The following TBC1D9 variants were observed in gnomAD, a reference collection of about 807,000 sequenced individuals.
TBC1D9 encodes TBC1 domain family member 9, also known as TBC1 domain family member 9A.
A neutral mutation model predicts 132.0 loss-of-function variants in TBC1D9; 63 were observed. The observed-to-expected ratio is 0.48, with a 90% CI of 0.39 to 0.59. TBC1D9 has a LOEUF of 0.59. TBC1D9 is among the 20% of genes least tolerant of loss of function. The pLI is 0.00. For synonymous variants in TBC1D9, 610 were observed against 609.9 expected (o/e 1.00, Z 0.00); for missense variants, 1,261 against 1,592.7 (o/e 0.79, Z 3.54).
At chr4:140,753,461 A>G (rs1738956608) in intron 1 of TBC1D9, among the ~76,000 whole-genome samples, 1 of 152,132 alleles carries the variant, frequency 6.6e-6, no homozygotes, top group Non-Finnish European at 1.5e-5. Flanking sequence ...GTGGGAGAAG[A>G]GAGAAGTCAG....
At chr4:140,731,470 C>T (rs924700889) in intron 1 of TBC1D9, among the ~76,000 whole-genome samples, 2 of 152,024 alleles carry the variant, frequency 1.3e-5, no homozygotes, top group African/African-American at 4.8e-5. Flanking sequence ...AGTGGTAGGA[C>T]TACTTGAGGC....
chr4:140,672,453 T>C (rs1008440303), intron 6 of TBC1D9, among the ~76,000 whole-genome samples: 1 of 152,156 alleles, frequency 6.6e-6, no homozygotes, highest in Admixed American at 6.5e-5. Flanking sequence ...AAGCCCCTTT[T>C]CTCACATAAA....
intron 1 of TBC1D9, among the ~76,000 whole-genome samples, chr4:140,711,950 G>A (rs1012351550): frequency 6.6e-6 from 1 of 152,098 alleles, no homozygotes; most frequent in African/African-American, 2.4e-5. Context: ...TATCTCAAAT[G>A]TACATTCAAT....
At position 140,755,803 on chromosome 4, in the gene TBC1D9, G is replaced by A; in HGVS notation, c.130+113C>T. On this transcript the variant is annotated intron_variant, in intron 1 of 20. Transcript: ENST00000442267. ...GCCTCGCATACAACGAGGCAGGGCG[G>A]GTCGCCCAGCCCCAGGGGACCGGGC... 8 of 1,364,334 alleles carry A rather than the reference G, an allele frequency of 5.9e-6. No homozygotes were observed. The South Asian group carries it at 1.2e-4, about 20-fold the overall frequency. 84.5% of individuals were successfully genotyped at this position (1,364,334 alleles called of 1,614,324 possible).
At chr4:140,668,790 T>C (rs1737487514) in intron 9 of TBC1D9, 127 bp downstream of exon 9, 9 of 960,268 alleles carry the variant, frequency 9.4e-6, no homozygotes, top group Admixed American at 2.8e-5. Flanking sequence ...TGAGGAAACA[T>C]GATGTAGCTT....
intron 13 of TBC1D9, among the ~76,000 whole-genome samples, chr4:140,654,838 CTT>C (rs2110994138): frequency 6.6e-6 from 1 of 151,760 alleles, no homozygotes; most frequent in Non-Finnish European, 1.5e-5. Flanking sequence ...TTAATCCAAA[CTT>C]TTAATGTAAA....
At chr4:140,623,241 G>A (rs1736649347) in intron 20 of TBC1D9, among the ~76,000 whole-genome samples, 1 of 151,990 alleles carries the variant, frequency 6.6e-6, no homozygotes, top group Non-Finnish European at 1.5e-5. Context: ...GCTAATCTTT[G>A]CGTTTTTTGT....
intron 1 of TBC1D9, among the ~76,000 whole-genome samples, chr4:140,722,919 C>T (rs1420036451): frequency 6.6e-6 from 1 of 152,116 alleles, no homozygotes; most frequent in Non-Finnish European, 1.5e-5. Context: ...GGTTCTCTCT[C>T]ACCTCTCAAT....
intron 13 of TBC1D9, among the ~76,000 whole-genome samples, chr4:140,656,189 A>T (rs1737269890): frequency 6.6e-6 from 1 of 152,152 alleles, no homozygotes; most frequent in Non-Finnish European, 1.5e-5. Context: ...TGTAGAAGGA[A>T]GCAGGTAAGC....
At chr4:140,744,029 C>T (rs933540883) in intron 1 of TBC1D9, among the ~76,000 whole-genome samples, 7 of 152,168 alleles carry the variant, frequency 4.6e-5, no homozygotes, top group African/African-American at 1.4e-4. Context: ...CCCACGGTTT[C>T]TTTGTAGAAT....
chr4:140,722,579 G>A (rs1738440753), intron 1 of TBC1D9, among the ~76,000 whole-genome samples: 1 of 152,190 alleles, frequency 6.6e-6, no homozygotes, highest in African/African-American at 2.4e-5. Context: ...CTTGGGATGA[G>A]TGGGGAGAAG....
intron 6 of TBC1D9, among the ~76,000 whole-genome samples, chr4:140,673,577 TA>T (rs888660685): frequency 2.6e-5 from 4 of 152,146 alleles, no homozygotes; most frequent in Non-Finnish European, 1.5e-5. Context: ...CTTCTTCCAT[TA>T]GTTGGGGTGG....
At chr4:140,725,283 C>T (rs1373472309) in intron 1 of TBC1D9, among the ~76,000 whole-genome samples, 5 of 152,098 alleles carry the variant, frequency 3.3e-5, no homozygotes, top group Non-Finnish European at 7.4e-5. Context: ...TACCATTGTA[C>T]GGTAGATGAA....
At position 140,634,081 on chromosome 4, in the gene TBC1D9, G is replaced by A; in HGVS notation, c.2613C>T (p.Phe871=). The A allele has an allele frequency of 6.2e-7, 1 of 1,614,022 alleles. No homozygotes were observed. Among genetic ancestry groups the A allele is most frequent in the Non-Finnish European group, 8.5e-7 (1 of 1,179,898 alleles). ...GAAAGAGAAGAGCAAACATTCCCTT[G>A]AACTGCTCGAAGTCAATGCGATACT... The part of the protein sequence containing the change: ...LEQYRIDFEQ[F]KGMFALLFPW... The change falls in exon 16 of 21, where the codon TTC becomes TTT. Residue 871 remains phenylalanine (F), a synonymous_variant. Transcript: ENST00000442267.
chr4:140,723,339 AT>A (rs535495790), intron 1 of TBC1D9, among the ~76,000 whole-genome samples: 13 of 151,944 alleles, frequency 8.6e-5, no homozygotes, highest in African/African-American at 3.1e-4. Flanking sequence ...TACTTCCCAG[AT>A]TTTTTTTGTT....
Position 140,622,866 on chromosome 4 carries a change from G to T in TBC1D9, c.3130C>A (p.Pro1044Thr). 1 of 1,587,498 alleles carries T rather than the reference G, an allele frequency of 6.3e-7. No individual in the cohort carries two copies. The highest frequency in any genetic ancestry group is 2.3e-5 in the East Asian group (1 of 44,080). Residue 1044 changes from proline (P) to threonine (T), a missense_variant, in exon 21 of 21, where the codon CCC (proline) becomes ACC (threonine). Around this residue, in one of 3 missense-constraint regions of TBC1D9, gnomAD observed 618 missense variants for 724.4 expected, o/e 0.85. Transcript: ENST00000442267. ...GCGTGGTACAGCTCCTGCTCATTGG[G>T]GTCTTCGCTGAACATGTTATACATT... The part of the protein sequence containing the change: ...KTMYNMFSED[P>T]NEQELYHATA...
intron 2 of TBC1D9, among the ~76,000 whole-genome samples, chr4:140,694,930 C>T (rs74784710): frequency 0.015 from 2,209 of 152,132 alleles, 46 homozygotes; most frequent in South Asian, 0.056. Flanking sequence ...GCTTTCTTAA[C>T]TCACTGTGTT....
At chr4:140,740,734 A>C (rs1399774546) in intron 1 of TBC1D9, among the ~76,000 whole-genome samples, 2 of 152,240 alleles carry the variant, frequency 1.3e-5, no homozygotes, top group Admixed American at 1.3e-4. Flanking sequence ...ACATGCCCTA[A>C]AGCTGGCTTA....
At chr4:140,626,501 G>C (rs1418510941) in intron 18 of TBC1D9, among the ~76,000 whole-genome samples, 1 of 152,152 alleles carries the variant, frequency 6.6e-6, no homozygotes, top group African/African-American at 2.4e-5. Flanking sequence ...TCTCTGTTGT[G>C]CTTATTTGGG....
Sources: allele counts gnomAD v4.1 joint callset (sites outside exome capture counted in the v4.1 genomes callset), GRCh38; gene constraint gnomAD v4.1.1; regional missense constraint gnomAD v4.1.1; transcripts MANE v1.5; gene names NCBI Gene and HGNC (gene_info 2026-07-23, HGNC 2026-07-21).